Variants in PLXDC2 observed in about 807,000 individuals in gnomAD.
The protein encoded by PLXDC2 is plexin domain containing 2.
PLXDC2 carries 40 observed loss-of-function variants against 68.9 expected under a neutral mutation model. The ratio of observed to expected loss-of-function variants is 0.58; its 90% CI spans 0.45 to 0.76. PLXDC2 has a LOEUF of 0.76. Among genes scored for constraint, PLXDC2 ranks in the 30% least tolerant of loss-of-function variants. PLXDC2 has a pLI of 0.00. For synonymous variants in PLXDC2, 243 were observed against 234.2 expected, an observed-to-expected ratio of 1.04 and a Z score of -0.34; for missense variants, 644 against 661.9, an observed-to-expected ratio of 0.97 and a Z score of 0.30.
intron 1 of PLXDC2, among the ~76,000 whole-genome samples, chr10:19,970,200 G>C (rs1834326963): frequency 6.6e-6 from 1 of 152,128 alleles, no homozygotes; most frequent in African/African-American, 2.4e-5. Flanking sequence ...TTTGGTCAAG[G>C]CTTTGGTTTG....
chr10:19,908,155 TATG>T lies in PLXDC2; in HGVS notation c.112+90965_112+90967del, dbSNP rs371782511. 3.8e-3 allele frequency among the ~76,000 whole-genome samples: 575 copies of T among 152,288 alleles called. 3 individuals carry two copies. Among genetic ancestry groups the T allele is most frequent in the Middle Eastern group, 0.024 (7 of 294 alleles). On this transcript the variant is annotated intron_variant, in intron 1 of 13. Transcript: ENST00000377252. ...AGATGGATGTTTTTATCATTAAAAT[TATG>T]TTTTCATTGTTATTATACCACAAAA...
At chr10:20,026,271 T>C (rs1223098225) in intron 2 of PLXDC2, among the ~76,000 whole-genome samples, 3 of 152,128 alleles carry the variant, frequency 2.0e-5, no homozygotes, top group Non-Finnish European at 4.4e-5. Context: ...AAAATGAAAT[T>C]CTCCTGAATA....
At chr10:20,099,671 A>G (rs913707217) in intron 4 of PLXDC2, among the ~76,000 whole-genome samples, 32 of 152,330 alleles carry the variant, frequency 2.1e-4, no homozygotes, top group African/African-American at 7.5e-4. Flanking sequence ...AGTCATCAGA[A>G]AATGTTTTCA....
chr10:20,191,804 A>G (rs1482770036), intron 9 of PLXDC2, among the ~76,000 whole-genome samples: 1 of 152,078 alleles, frequency 6.6e-6, no homozygotes, highest in East Asian at 1.9e-4. Flanking sequence ...CTTAAAGTAT[A>G]ATAATAAAAA....
intron 2 of PLXDC2, among the ~76,000 whole-genome samples, chr10:20,015,621 G>T (rs1334106929): frequency 6.6e-6 from 1 of 151,998 alleles, no homozygotes; most frequent in Non-Finnish European, 1.5e-5. Context: ...AACTTTATAT[G>T]CTCTCCAGTT....
chr10:19,941,867 C>T (rs1833823491), intron 1 of PLXDC2, among the ~76,000 whole-genome samples: 1 of 151,764 alleles, frequency 6.6e-6, no homozygotes, highest in Middle Eastern at 3.2e-3. Flanking sequence ...CATTTTATCT[C>T]AGCGAGCTAT....
chr10:20,285,967 A>T lies in PLXDC2; in HGVS notation c.*6148A>T, dbSNP rs559392269. Reference sequence around the variant, plus strand: ...AACTTAAATTGTAATACATCTGCCTAATTATTGTCTGGAATAACTTTTCAA... The same window carrying T: ...AACTTAAATTGTAATACATCTGCCTTATTATTGTCTGGAATAACTTTTCAA... On this transcript the variant is annotated 3_prime_UTR_variant, in exon 14 of 14. Transcript: ENST00000377252. The T allele has an allele frequency of 2.6e-5, 4 of 152,348 alleles. No individual in the cohort carries two copies. The highest frequency in any genetic ancestry group is 9.6e-5 in the African/African-American group (4 of 41,590). The allele number at this position is 152,348 out of a possible 1,614,324, so 9.4% of individuals were successfully genotyped here. A position where few individuals can be genotyped will look rare whatever the true frequency, so the allele number is the denominator to read the frequency against.
intron 1 of PLXDC2, among the ~76,000 whole-genome samples, chr10:19,960,225 G>A (rs74523252): frequency 0.11 from 16,245 of 149,858 alleles, 966 homozygotes; most frequent in East Asian, 0.23. Context: ...ATTAGCCAGG[G>A]TGGTAGTGCA....
chr10:19,945,767 G>T (rs780856789), intron 1 of PLXDC2, among the ~76,000 whole-genome samples: 3 of 152,134 alleles, frequency 2.0e-5, no homozygotes, highest in Non-Finnish European at 4.4e-5. Context: ...ACTGAGTCTT[G>T]TGGAGTGAGA....
rs563079923 is a variant in PLXDC2 at position 19,869,891 on chromosome 10, A to G, written c.112+52700A>G. ...AAATATAATTTAGGATTCATTATGG[A>G]GGAATATGCAATAATGCAATGGTCA... On this transcript the variant is annotated intron_variant, in intron 1 of 13. Transcript: ENST00000377252. Among the ~76,000 whole-genome samples, 4 of 152,212 alleles carry G rather than the reference A, an allele frequency of 2.6e-5. No homozygotes were observed. In the East Asian group the frequency reaches 7.7e-4, roughly 29 times the overall value.
intron 2 of PLXDC2, among the ~76,000 whole-genome samples, chr10:20,009,830 C>A (rs1027278934): frequency 6.0e-5 from 9 of 151,128 alleles, no homozygotes; most frequent in East Asian, 1.9e-4. Flanking sequence ...CAGGAAGGTA[C>A]TTGGAAACTG....
chr10:20,005,712 C>A (rs1046938334), intron 2 of PLXDC2, among the ~76,000 whole-genome samples: 5 of 152,106 alleles, frequency 3.3e-5, no homozygotes, highest in African/African-American at 1.2e-4. Flanking sequence ...ACAACCAGAT[C>A]TCTCCTCAAC....
At chr10:20,240,422 G>A (rs1387219964) in intron 12 of PLXDC2, among the ~76,000 whole-genome samples, 10 of 151,956 alleles carry the variant, frequency 6.6e-5, no homozygotes, top group Admixed American at 6.6e-4. Flanking sequence ...AGAATAATTT[G>A]TATCCTTTTG....
chr10:20,058,783 A>G (rs768304082), intron 3 of PLXDC2, among the ~76,000 whole-genome samples: 1 of 152,184 alleles, frequency 6.6e-6, no homozygotes. Context: ...TTTGCAAGTC[A>G]TAGTTTTAAA....
chr10:20,244,782 T>C (rs1212163294), intron 12 of PLXDC2, among the ~76,000 whole-genome samples: 2 of 152,216 alleles, frequency 1.3e-5, no homozygotes, highest in African/African-American at 4.8e-5. Flanking sequence ...CACAGTACTT[T>C]GAGAATAAAA....
intron 1 of PLXDC2, among the ~76,000 whole-genome samples, chr10:19,896,676 T>C (rs558606515): frequency 6.6e-6 from 1 of 152,252 alleles, no homozygotes; most frequent in Admixed American, 6.5e-5. Flanking sequence ...TTTTGGTAAA[T>C]AACACTTATG....
intron 1 of PLXDC2, among the ~76,000 whole-genome samples, chr10:19,817,498 A>G (rs1836376064): frequency 6.6e-6 from 1 of 152,144 alleles, no homozygotes; most frequent in African/African-American, 2.4e-5. Flanking sequence ...TTCCGTGGAT[A>G]CATCTCCTAG....
rs543808593 is a variant in PLXDC2 at position 20,154,054 on chromosome 10, A to G, written c.783+6152A>G. On this transcript the variant is annotated intron_variant, in intron 6 of 13. Coordinates refer to ENST00000377252, the MANE Select transcript of PLXDC2 (RefSeq NM_032812.9). ...AATGAAAGAACCTGTACATAGGCCAAAAAAAAACCGGATCCTTTCTTAAAT... is the reference window on the plus strand; with the variant it reads ...AATGAAAGAACCTGTACATAGGCCAGAAAAAAACCGGATCCTTTCTTAAAT... Among the ~76,000 whole-genome samples, 5 of 152,040 alleles carry G rather than the reference A, an allele frequency of 3.3e-5. No homozygotes were observed. In the East Asian group the frequency reaches 9.7e-4, roughly 29 times the overall value.
intron 1 of PLXDC2, among the ~76,000 whole-genome samples, chr10:19,828,583 C>T (rs1485583361): frequency 1.3e-5 from 2 of 152,234 alleles, no homozygotes; most frequent in East Asian, 1.9e-4. Flanking sequence ...TTTTTAACAT[C>T]TGTTGTTCAT....
Sources: gnomAD v4.1 joint callset for allele counts (sites outside exome capture counted in the v4.1 genomes callset) on GRCh38, gnomAD v4.1.1 for gene constraint, MANE v1.5 for transcripts, NCBI Gene and HGNC (gene_info 2026-07-23, HGNC 2026-07-21) for gene names.